TSHZ2: variants seen among roughly 807,000 people sequenced by gnomAD.
TSHZ2 encodes teashirt homolog 2.
TSHZ2 carries 21 observed loss-of-function variants against 74.4 expected under a neutral mutation model. The observed-to-expected ratio is 0.28, with a 90% CI of 0.20 to 0.41. The LOEUF is 0.41. TSHZ2 is among the 10% of genes least tolerant of loss of function. The pLI is 1.00. For missense variants in TSHZ2, 1,244 were observed against 1,293.5 expected (o/e 0.96, Z 0.59); for synonymous variants, 540 against 515.3 (o/e 1.05, Z -0.65).
intron 1 of TSHZ2, among the ~76,000 whole-genome samples, chr20:53,202,450 G>C (rs572905948): frequency 2.6e-5 from 4 of 152,232 alleles, no homozygotes; most frequent in African/African-American, 9.6e-5. Context: ...ATACTTACTA[G>C]TAATAATTTT....
intron 1 of TSHZ2, among the ~76,000 whole-genome samples, chr20:53,030,931 A>G (rs1219926611): frequency 6.6e-6 from 1 of 152,220 alleles, no homozygotes; most frequent in Non-Finnish European, 1.5e-5. Context: ...TTAAATGGTG[A>G]TAAATATTCC....
At chr20:53,174,831 C>T (rs551381697) in intron 1 of TSHZ2, among the ~76,000 whole-genome samples, 30 of 151,766 alleles carry the variant, frequency 2.0e-4, no homozygotes, top group Non-Finnish European at 4.0e-4. Context: ...AAATTGGGTC[C>T]CAAACAAAAA....
chr20:53,429,659 G>A (rs570379416), intron 2 of TSHZ2, among the ~76,000 whole-genome samples: 5 of 152,256 alleles, frequency 3.3e-5, no homozygotes, highest in South Asian at 2.1e-4. Context: ...CATTAGTAGC[G>A]TGAAAACAGA....
At chr20:53,240,115 T>C (rs768443028) in intron 1 of TSHZ2, among the ~76,000 whole-genome samples, 2 of 152,188 alleles carry the variant, frequency 1.3e-5, no homozygotes, top group African/African-American at 2.4e-5. Context: ...TTCCTCATAC[T>C]AGCAAAGCTC....
chr20:53,158,119 A>G (rs1164673381), intron 1 of TSHZ2, among the ~76,000 whole-genome samples: 1 of 152,188 alleles, frequency 6.6e-6, no homozygotes, highest in Non-Finnish European at 1.5e-5. Flanking sequence ...TGGAGGGAAC[A>G]GTGTCCCAGG....
In TSHZ2 at chr20:53,008,420, T is replaced by C. The variant is rs143626387; in HGVS notation, c.40+35087T>C. ...AAATTCCCCTGGTTGAATAAAACAG[T>C]GGGAGGAGGCATTTGATAGGCTTAT... On this transcript the variant is annotated intron_variant, in intron 1 of 2. Transcript: ENST00000371497. Among the ~76,000 whole-genome samples, 329 of 152,180 alleles carry C rather than the reference T, an allele frequency of 2.2e-3. 3 individuals carry two copies. The highest frequency in any genetic ancestry group is 0.014 in the Middle Eastern group (4 of 294).
rs547672023 is a variant in TSHZ2 at position 53,266,689 on chromosome 20, G to A, written c.*8+10118G>A. Among the ~76,000 whole-genome samples the A allele has an allele frequency of 3.9e-5, 6 of 152,056 alleles. No individual in the cohort carries two copies. In the South Asian group the frequency reaches 1.3e-3, roughly 32 times the overall value. The stretch of plus-strand genomic sequence containing the variant: ...ACTTTTTTCTCAAGCCCTATACAAG[G>A]CTCTAGGGATAGAGTGGAATCACAA... On this transcript the variant is annotated intron_variant, in intron 2 of 2. Transcript: ENST00000371497.
chr20:53,242,416 A>G (rs1420108589), intron 1 of TSHZ2, among the ~76,000 whole-genome samples: 3 of 152,108 alleles, frequency 2.0e-5, no homozygotes, highest in Admixed American at 2.0e-4. Flanking sequence ...GATCTAATTA[A>G]CTCATTCACC....
chr20:53,386,901 T>C (rs1419736414), intron 2 of TSHZ2, among the ~76,000 whole-genome samples: 1 of 151,650 alleles, frequency 6.6e-6, no homozygotes, highest in Non-Finnish European at 1.5e-5. Context: ...TTAAATGAAA[T>C]GCTCTTTTGT....
chr20:52,992,580 C>T (rs1032392163), intron 1 of TSHZ2, among the ~76,000 whole-genome samples: 1 of 151,932 alleles, frequency 6.6e-6, no homozygotes, highest in Non-Finnish European at 1.5e-5. Flanking sequence ...AAACTGCAGC[C>T]ACAAATGGAG....
intron 2 of TSHZ2, among the ~76,000 whole-genome samples, chr20:53,469,771 AGGGAGGGAGGGAGGGAGG>A (rs1444948728): frequency 0.096 from 3,104 of 32,318 alleles, 230 homozygotes; most frequent in East Asian, 0.23. Context: ...AGAGGGAGGA[AGGGAGGGAGGGAGGGAGG>A]AAGGAAGGAA....
At chr20:53,405,765 G>T (rs1436252484) in intron 2 of TSHZ2, among the ~76,000 whole-genome samples, 1 of 152,178 alleles carries the variant, frequency 6.6e-6, no homozygotes, top group Non-Finnish European at 1.5e-5. Context: ...GGAGGCCAAG[G>T]TGGGTGGATT....
At chr20:53,367,228 T>C (rs1275698294) in intron 2 of TSHZ2, among the ~76,000 whole-genome samples, 1 of 150,780 alleles carries the variant, frequency 6.6e-6, no homozygotes, top group African/African-American at 2.4e-5. Flanking sequence ...AAACCCTGTC[T>C]CTACTAAAAA....
At chr20:53,482,675 G>A (rs1339618020) in intron 2 of TSHZ2, among the ~76,000 whole-genome samples, 1 of 152,218 alleles carries the variant, frequency 6.6e-6, no homozygotes, top group Non-Finnish European at 1.5e-5. Flanking sequence ...GGCCAAGGCA[G>A]GGAGAATGGC....
chr20:53,009,253 G>GGTTGAATCAGGGAGGTTGA (rs1476128522), intron 1 of TSHZ2, among the ~76,000 whole-genome samples: 2 of 152,060 alleles, frequency 1.3e-5, no homozygotes, highest in Non-Finnish European at 2.9e-5. Context: ...CTGGAGAATC[G>GGTTGAATCAGGGAGGTTGA]GTTGAATCAG....
At chr20:53,182,010 T>A (rs1368267872) in intron 1 of TSHZ2, among the ~76,000 whole-genome samples, 2 of 152,152 alleles carry the variant, frequency 1.3e-5, no homozygotes, top group Non-Finnish European at 2.9e-5. Flanking sequence ...TATTTGATGA[T>A]CTTAGGATAT....
chr20:53,225,096 G>A (rs1162817016), intron 1 of TSHZ2, among the ~76,000 whole-genome samples: 1 of 152,210 alleles, frequency 6.6e-6, no homozygotes, highest in African/African-American at 2.4e-5. Flanking sequence ...AATCAGTATG[G>A]CGATGTTCCA....
chr20:53,048,771 T>G (rs1984322510), intron 1 of TSHZ2, among the ~76,000 whole-genome samples: 1 of 152,164 alleles, frequency 6.6e-6, no homozygotes, highest in South Asian at 2.1e-4. Flanking sequence ...TCCCCTTTTG[T>G]ATGGGATTTT....
intron 1 of TSHZ2, among the ~76,000 whole-genome samples, chr20:53,102,183 T>C (rs1305892652): frequency 3.3e-5 from 5 of 151,992 alleles, no homozygotes; most frequent in Non-Finnish European, 5.9e-5. Context: ...TAATGGACAA[T>C]ATGTACGCAA....
Sources: allele counts gnomAD v4.1 joint callset (sites outside exome capture counted in the v4.1 genomes callset), GRCh38; gene constraint gnomAD v4.1.1; transcripts MANE v1.5; gene names NCBI Gene and HGNC (gene_info 2026-07-23, HGNC 2026-07-21).